The following GRID1 variants were observed in gnomAD, a reference collection of about 807,000 sequenced individuals.
GRID1 encodes the protein glutamate receptor ionotropic, delta-1.
In GRID1, 28 loss-of-function variants were observed where a neutral mutation model predicts 98.0. That is an observed-to-expected ratio of 0.29 (90% CI 0.21 to 0.39). GRID1 has a LOEUF of 0.39. Ranked by LOEUF, GRID1 falls within the 10% of genes least tolerant of loss-of-function variation. GRID1 has a pLI of 1.00. For missense variants in GRID1, 1,111 were observed against 1,340.5 expected, an observed-to-expected ratio of 0.83 and a Z score of 2.67; for synonymous variants, 553 against 538.5, an observed-to-expected ratio of 1.03 and a Z score of -0.37.
chr10:86,174,729 C>T (rs1427464176), intron 3 of GRID1, among the ~76,000 whole-genome samples: 327 of 149,286 alleles, frequency 2.2e-3, no homozygotes, highest in African/African-American at 7.0e-3. Context: ...AGAAAATTTT[C>T]GCAACCTACT....
intron 2 of GRID1, among the ~76,000 whole-genome samples, chr10:86,293,247 T>C (rs982113207): frequency 1.3e-5 from 2 of 152,152 alleles, no homozygotes; most frequent in Non-Finnish European, 2.9e-5. Flanking sequence ...CTGCCATGGC[T>C]GGGGGGCTAC....
chr10:86,286,594 G>A (rs1430867801), intron 2 of GRID1, among the ~76,000 whole-genome samples: 3 of 152,192 alleles, frequency 2.0e-5, no homozygotes, highest in Non-Finnish European at 4.4e-5. Flanking sequence ...GAGGCAGATA[G>A]GAAACACTTC....
chr10:85,661,083 G>A (rs959511201), intron 12 of GRID1, among the ~76,000 whole-genome samples: 4 of 152,062 alleles, frequency 2.6e-5, no homozygotes, highest in Admixed American at 6.5e-5. Flanking sequence ...ATGATGCTAC[G>A]TCAGTGCTTG....
chr10:86,061,052 C>A (rs1424633909), intron 4 of GRID1, among the ~76,000 whole-genome samples: 1 of 152,204 alleles, frequency 6.6e-6, no homozygotes, highest in Non-Finnish European at 1.5e-5. Flanking sequence ...CACCTTGGCC[C>A]CCATGGCACT....
intron 4 of GRID1, among the ~76,000 whole-genome samples, chr10:86,134,807 T>C (rs1257626445): frequency 6.6e-6 from 1 of 152,222 alleles, no homozygotes; most frequent in African/African-American, 2.4e-5. Context: ...GTTGACCTTC[T>C]GATGATCCCA....
chr10:86,337,812 A>C (rs1848248034), intron 2 of GRID1, among the ~76,000 whole-genome samples: 1 of 140,296 alleles, frequency 7.1e-6, no homozygotes, highest in Non-Finnish European at 1.5e-5. Context: ...GGTTCAAGTG[A>C]TTCTCCTGCC....
chr10:86,079,218 T>C (rs992593475), intron 4 of GRID1, among the ~76,000 whole-genome samples: 2 of 152,224 alleles, frequency 1.3e-5, no homozygotes, highest in African/African-American at 4.8e-5. Context: ...AGCAGCCTCC[T>C]GGAGCGGCCT....
In GRID1 at chr10:85,729,504, T is replaced by G; in HGVS notation, c.1335+9A>C. 6.5e-7 allele frequency: 1 copy of G among 1,548,226 alleles called. No individual in the cohort carries two copies. Among genetic ancestry groups the G allele is most frequent in the Non-Finnish European group, 8.9e-7 (1 of 1,121,324 alleles). Reference sequence around the variant, plus strand: ...GTAGCTCGCTCCCAGAATGTCCCCATGATCCTACCAAGACAGTCACCACTT... The same window carrying G: ...GTAGCTCGCTCCCAGAATGTCCCCAGGATCCTACCAAGACAGTCACCACTT... On this transcript the variant is annotated intron_variant, in intron 9 of 15. Transcript: ENST00000327946.
At chr10:86,277,912 T>G (rs1847296979) in intron 2 of GRID1, among the ~76,000 whole-genome samples, 1 of 152,160 alleles carries the variant, frequency 6.6e-6, no homozygotes, top group Non-Finnish European at 1.5e-5. Context: ...ATGGCAGAAG[T>G]AAGTATATTC....
At chr10:86,023,743 A>T (rs920109322) in intron 4 of GRID1, among the ~76,000 whole-genome samples, 3 of 151,982 alleles carry the variant, frequency 2.0e-5, no homozygotes, top group Non-Finnish European at 4.4e-5. Flanking sequence ...ACACGAAAGA[A>T]CCCAGGCCTC....
chr10:86,340,543 C>G (rs1190089692), intron 2 of GRID1, among the ~76,000 whole-genome samples: 1 of 152,140 alleles, frequency 6.6e-6, no homozygotes, highest in Non-Finnish European at 1.5e-5. Flanking sequence ...GGGGTGGAGC[C>G]AAGCATGCAC....
intron 12 of GRID1, among the ~76,000 whole-genome samples, chr10:85,691,119 C>G (rs1405343181): frequency 6.6e-6 from 1 of 152,180 alleles, no homozygotes; most frequent in African/African-American, 2.4e-5. Context: ...AAGTGACCAT[C>G]TAAAATCACA....
At chr10:85,945,079 A>T (rs1050369025) in intron 4 of GRID1, among the ~76,000 whole-genome samples, 6 of 152,186 alleles carry the variant, frequency 3.9e-5, no homozygotes, top group Non-Finnish European at 8.8e-5. Context: ...ATGACTGCCA[A>T]GCATCCTAAC....
chr10:86,158,039 G>A (rs770320384), intron 3 of GRID1, among the ~76,000 whole-genome samples: 2 of 152,200 alleles, frequency 1.3e-5, no homozygotes, highest in Non-Finnish European at 2.9e-5. Context: ...AGGATTTTCT[G>A]CTGTGTCATT....
At chr10:86,016,430 C>T (rs1394622226) in intron 4 of GRID1, among the ~76,000 whole-genome samples, 1 of 151,862 alleles carries the variant, frequency 6.6e-6, no homozygotes, top group Non-Finnish European at 1.5e-5. Flanking sequence ...TGTAGGGCGG[C>T]AAATGTTTGC....
chr10:85,619,747 T>C (rs567118514), intron 14 of GRID1, 120 bp downstream of exon 14: 12 of 759,852 alleles, frequency 1.6e-5, no homozygotes, highest in African/African-American at 1.4e-4. Flanking sequence ...TAGTATGTGC[T>C]TGGGAAAATA....
chr10:86,062,228 C>T (rs1469458618), intron 4 of GRID1, among the ~76,000 whole-genome samples: 1 of 152,190 alleles, frequency 6.6e-6, no homozygotes, highest in African/African-American at 2.4e-5. Flanking sequence ...AGCCATGTTG[C>T]CCGCAGGCAG....
At chr10:85,755,761 A>C (rs762708701) in intron 8 of GRID1, among the ~76,000 whole-genome samples, 9 of 151,988 alleles carry the variant, frequency 5.9e-5, no homozygotes, top group Non-Finnish European at 1.2e-4. Flanking sequence ...TTGCCCAAGA[A>C]CCCCATTTCC....
intron 4 of GRID1, among the ~76,000 whole-genome samples, chr10:86,022,376 C>T (rs1843061366): frequency 6.6e-6 from 1 of 152,170 alleles, no homozygotes; most frequent in African/African-American, 2.4e-5. Context: ...CCATTTTAAG[C>T]CCTCAATGGC....
Sources: gnomAD v4.1 joint callset for allele counts (sites outside exome capture counted in the v4.1 genomes callset) on GRCh38, gnomAD v4.1.1 for gene constraint, MANE v1.5 for transcripts, NCBI Gene and HGNC (gene_info 2026-07-23, HGNC 2026-07-21) for gene names.